Variants in CDH23 observed in about 807,000 individuals in gnomAD.
The protein encoded by CDH23 is cadherin related 23.
CDH23 carries 189 observed loss-of-function variants against 317.1 expected under a neutral mutation model. The ratio of observed to expected loss-of-function variants is 0.60; its 90% confidence interval spans 0.53 to 0.67. The LOEUF (loss-of-function observed/expected upper bound fraction) is 0.67, where lower values mean the gene tolerates loss of function less well. Among genes scored for constraint, CDH23 ranks in the 30% least tolerant of loss-of-function variants. The probability of loss-of-function intolerance (pLI) is 0.00; values close to 1 mark genes in which losing one functional copy is unlikely to be tolerated. For synonymous variants in CDH23, 1,839 were observed against 1,876.8 expected, an observed-to-expected ratio of 0.98 and a Z score of 0.52; for missense variants, 4,401 against 4,592.4, an observed-to-expected ratio of 0.96 and a Z score of 1.20.
chr10:71,549,425 C>T (rs775749221), intron 6 of CDH23, among the ~76,000 whole-genome samples: 1 of 152,238 alleles, frequency 6.6e-6, no homozygotes, highest in Non-Finnish European at 1.5e-5. Flanking sequence ...GGGTCATCTA[C>T]TGGATCTCTT....
intron 38 of CDH23, among the ~76,000 whole-genome samples, chr10:71,759,298 A>G (rs952360895): frequency 2.6e-5 from 4 of 151,830 alleles, no homozygotes; most frequent in Non-Finnish European, 4.4e-5. Context: ...TTGACCTCCT[A>G]AAGTGCTGGG....
At chr10:71,734,185 C>G in intron 32 of CDH23, 55 bp from the exon 33 acceptor site, 1 of 1,442,140 alleles carries the variant, frequency 6.9e-7, no homozygotes, top group South Asian at 1.2e-5. Flanking sequence ...GCAGAATGAC[C>G]AGGGTTAACA....
At chr10:71,720,420 AACACACACAC>A (rs57346519) in intron 28 of CDH23, among the ~76,000 whole-genome samples, 16 of 145,750 alleles carry the variant, frequency 1.1e-4, no homozygotes, top group Admixed American at 2.7e-4. Flanking sequence ...CTCTTTCCAA[AACACACACAC>A]ACACACACAC....
At chr10:71,512,082 G>A (rs1016364709) in intron 6 of CDH23, 1 of 152,264 alleles carries the variant, frequency 6.6e-6, no homozygotes, top group African/African-American at 2.4e-5. Flanking sequence ...TGATCAGGGA[G>A]TAAAAAGCCC....
intron 3 of CDH23, among the ~76,000 whole-genome samples, chr10:71,481,538 T>C (rs1448658555): frequency 6.6e-6 from 1 of 152,138 alleles, no homozygotes; most frequent in Non-Finnish European, 1.5e-5. Flanking sequence ...CTGGGTGCCT[T>C]AGGCTAGGCT....
chr10:71,812,127 G>T, intron 66 of CDH23, 112 bp downstream of exon 66: 1 of 1,602,134 alleles, frequency 6.2e-7, no homozygotes, highest in South Asian at 1.1e-5. Context: ...GGCTGTGGGC[G>T]CCCCCTGGTG....
At chr10:71,445,679 C>G (rs1228269465) in intron 2 of CDH23, among the ~76,000 whole-genome samples, 1 of 151,884 alleles carries the variant, frequency 6.6e-6, no homozygotes, top group Non-Finnish European at 1.5e-5. Flanking sequence ...CCCACTGCAT[C>G]TATACAAAAA....
chr10:71,776,082 G>A (rs1182577123), intron 38 of CDH23, among the ~76,000 whole-genome samples: 2 of 152,166 alleles, frequency 1.3e-5, no homozygotes, highest in African/African-American at 4.8e-5. Context: ...TAGAAATCAA[G>A]CCAGGTCCTT....
At chr10:71,425,883 G>A (rs1164002620) in intron 1 of CDH23, among the ~76,000 whole-genome samples, 1 of 152,224 alleles carries the variant, frequency 6.6e-6, no homozygotes, top group African/African-American at 2.4e-5. Context: ...TGTGGAGTTG[G>A]AGGACACAGG....
intron 30 of CDH23, among the ~76,000 whole-genome samples, chr10:71,729,105 G>A (rs188380204): frequency 6.6e-6 from 1 of 152,250 alleles, no homozygotes; most frequent in East Asian, 1.9e-4. Flanking sequence ...AAATTTCTGC[G>A]ATTACAGGCA....
intron 34 of CDH23, among the ~76,000 whole-genome samples, chr10:71,737,361 T>C (rs915213829): frequency 1.3e-5 from 2 of 152,232 alleles, no homozygotes; most frequent in Non-Finnish European, 2.9e-5. Context: ...AGAGCTTGAA[T>C]AACTTTTTCC....
chr10:71,629,058 A>T (rs1861885003), intron 11 of CDH23, among the ~76,000 whole-genome samples: 1 of 152,218 alleles, frequency 6.6e-6, no homozygotes. Context: ...AACAAGGAAG[A>T]GATGCCCTGA....
chr10:71,647,082 T>G (rs1862931250), intron 14 of CDH23: 17 of 985,308 alleles, frequency 1.7e-5, no homozygotes, highest in Admixed American at 6.1e-5. Context: ...CAGTGTCATT[T>G]GTATCTGTCA....
rs772660092 is a variant in CDH23, at chr10:71,732,048, C to T, written c.3777C>T (p.Asp1259=). Residue 1259 remains aspartate, a synonymous_variant, in exon 32 of 70, where the codon GAC becomes GAT. Coordinates refer to ENST00000224721, the MANE Select transcript of CDH23 (RefSeq NM_022124.6). The part of the protein sequence containing the change: ...LSGAEGKFEI[D]ESTGLIITVN... ...GCGCAGAGGGGAAGTTTGAGATTGA[C>T]GAGAGCACAGGGCTTATCATCACCG... is the stretch of plus-strand genomic sequence containing the variant. 9 of 1,613,848 alleles carry T rather than the reference C, an allele frequency of 5.6e-6. No homozygotes were observed. Among genetic ancestry groups the T allele is most frequent in the Middle Eastern group, 1.6e-4 (1 of 6,084 alleles).
chr10:71,796,002 C>G (rs1394898958), intron 48 of CDH23: 1 of 986,160 alleles, frequency 1.0e-6, no homozygotes, highest in Non-Finnish European at 1.2e-6. Context: ...GCCCTCTCCC[C>G]ATCCTCGCTC....
intron 26 of CDH23, chr10:71,707,586 C>G (rs1865839233): frequency 1.0e-6 from 1 of 962,556 alleles, no homozygotes; most frequent in South Asian, 4.3e-5. Flanking sequence ...GGAAAGTGAG[C>G]TGCAATGGAT....
intron 9 of CDH23, among the ~76,000 whole-genome samples, chr10:71,588,654 C>T (rs1859251917): frequency 6.6e-6 from 1 of 152,200 alleles, no homozygotes; most frequent in Non-Finnish European, 1.5e-5. Context: ...TCCTCCATGT[C>T]TGTATAACCC....
In CDH23 at chr10:71,793,273, C is replaced by T; in HGVS notation, c.6345C>T (p.Arg2115=). 1 of 1,613,996 alleles carries T rather than the reference C, an allele frequency of 6.2e-7. No individual in the cohort carries two copies. The highest frequency in any genetic ancestry group is 8.5e-7 in the Non-Finnish European group (1 of 1,179,898). ...VYRIEAGAQD[R]FLIHLVTGVI... ...GAATAGAAGCTGGGGCTCAGGACCG[C>T]TTCCTCATTCATCTGGTCACCGGGG... Residue 2115 remains arginine (R), a synonymous_variant, in exon 48 of 70, where the codon CGC becomes CGT. Coordinates refer to ENST00000224721, the MANE Select transcript of CDH23 (RefSeq NM_022124.6).
At chr10:71,535,378 GGTGGTGAGGA>G (rs1855642135) in intron 6 of CDH23, among the ~76,000 whole-genome samples, 1 of 152,190 alleles carries the variant, frequency 6.6e-6, no homozygotes, top group Non-Finnish European at 1.5e-5. Context: ...AGCCCGTTCC[GGTGGTGAGGA>G]GTCTTCGGAA....
Sources: allele counts gnomAD v4.1 joint callset (sites outside exome capture counted in the v4.1 genomes callset), GRCh38; gene constraint gnomAD v4.1.1; transcripts MANE v1.5; gene names NCBI Gene and HGNC (gene_info 2026-07-23, HGNC 2026-07-21).